SNX3: variants seen among roughly 807,000 people sequenced by gnomAD.
SNX3 encodes the protein sorting nexin-3.
SNX3 carries 5 observed loss-of-function variants against 17.7 expected under a neutral mutation model. The observed-to-expected ratio is 0.28, with a 90% CI of 0.15 to 0.59. The LOEUF is 0.59. SNX3 is among the 20% of genes least tolerant of loss of function. The probability of loss-of-function intolerance (pLI) is 0.88; values close to 1 mark genes in which losing one functional copy is unlikely to be tolerated. For missense variants in SNX3, 132 were observed against 206.8 expected, an observed-to-expected ratio of 0.64 and a Z score of 2.22; for synonymous variants, 91 against 76.5, an observed-to-expected ratio of 1.19 and a Z score of -0.99.
intron 1 of SNX3, among the ~76,000 whole-genome samples, chr6:108,254,937 A>C (rs975565868): frequency 6.6e-6 from 1 of 152,250 alleles, no homozygotes; most frequent in African/African-American, 2.4e-5. Context: ...GACTGGAGTT[A>C]AAATGAGGAA....
At chr6:108,226,751 T>C (rs1177974685) in intron 1 of SNX3, among the ~76,000 whole-genome samples, 1 of 152,204 alleles carries the variant, frequency 6.6e-6, no homozygotes, top group Non-Finnish European at 1.5e-5. Flanking sequence ...AAATCCATTT[T>C]GTAGTGGTCT....
chr6:108,245,139 T>C (rs951488400), intron 1 of SNX3, among the ~76,000 whole-genome samples: 2 of 151,840 alleles, frequency 1.3e-5, no homozygotes, highest in Non-Finnish European at 2.9e-5. Context: ...GGCCCTGGTG[T>C]GTGATGTTCC....
intron 1 of SNX3, among the ~76,000 whole-genome samples, chr6:108,244,748 TTC>T (rs1268413571): frequency 1.2e-4 from 16 of 138,638 alleles, no homozygotes; most frequent in Non-Finnish European, 1.5e-5. Context: ...GTTCAAGAAA[TTC>T]TGTCTCAGCT....
intron 1 of SNX3, among the ~76,000 whole-genome samples, chr6:108,253,948 A>G (rs949638343): frequency 6.6e-6 from 1 of 152,106 alleles, no homozygotes; most frequent in African/African-American, 2.4e-5. Flanking sequence ...ACAAGGTGAA[A>G]CACCATCTCT....
At chr6:108,253,540 T>G (rs1775936692) in intron 1 of SNX3, among the ~76,000 whole-genome samples, 1 of 152,294 alleles carries the variant, frequency 6.6e-6, no homozygotes, top group Middle Eastern at 3.4e-3. Flanking sequence ...ACTTAAGCTG[T>G]AGAGATTGGT....
intron 1 of SNX3, among the ~76,000 whole-genome samples, chr6:108,253,222 C>T (rs568114349): frequency 1.3e-5 from 2 of 152,144 alleles, no homozygotes; most frequent in East Asian, 3.9e-4. Flanking sequence ...TATAAAGTGA[C>T]AATATTTATA....
At chr6:108,225,696 A>C (rs1774953613) in intron 1 of SNX3, among the ~76,000 whole-genome samples, 1 of 152,072 alleles carries the variant, frequency 6.6e-6, no homozygotes, top group African/African-American at 2.4e-5. Context: ...GACTAAAAAC[A>C]CTAAAGACTA....
At chr6:108,239,878 T>G (rs925023981) in intron 1 of SNX3, among the ~76,000 whole-genome samples, 4 of 152,132 alleles carry the variant, frequency 2.6e-5, no homozygotes, top group Non-Finnish European at 5.9e-5. Context: ...CTAAAAACAT[T>G]TAAACACTGC....
rs75551121 is a variant in SNX3, at chr6:108,254,462, G to A, written c.162+6298C>T. ...AGCTTGGGCAACAGAGTGAGACCCT[G>A]TCTCAAACAAAAGTACGGGCTCTGA... On this transcript the variant is annotated intron_variant, in intron 1 of 3. Transcript: ENST00000230085. 3.2e-3 allele frequency among the ~76,000 whole-genome samples: 491 copies of A among 152,270 alleles called. 4 individuals carry two copies. The highest frequency in any genetic ancestry group is 0.011 in the African/African-American group (475 of 41,544).
chr6:108,253,675 T>C (rs778120247), intron 1 of SNX3, among the ~76,000 whole-genome samples: 11 of 152,344 alleles, frequency 7.2e-5, no homozygotes, highest in South Asian at 6.2e-4. Context: ...TTTTAGAATC[T>C]ATTTTTTTAA....
At chr6:108,241,095 T>C (rs1205314473) in intron 1 of SNX3, among the ~76,000 whole-genome samples, 2 of 137,324 alleles carry the variant, frequency 1.5e-5, no homozygotes, top group African/African-American at 2.7e-5. Flanking sequence ...TGAACCACGA[T>C]TGCGCGCCAC....
intron 1 of SNX3, among the ~76,000 whole-genome samples, chr6:108,236,390 T>A (rs201550733): frequency 0.013 from 1,702 of 132,434 alleles, 14 homozygotes; most frequent in Non-Finnish European, 0.017. Context: ...TTTTTTTTTT[T>A]TTTTTTTTTT....
intron 1 of SNX3, among the ~76,000 whole-genome samples, chr6:108,256,200 T>G (rs535920590): frequency 7.9e-5 from 12 of 152,268 alleles, no homozygotes; most frequent in African/African-American, 2.9e-4. Context: ...CACTGCACTC[T>G]AGGCTGAGAG....
intron 2 of SNX3, among the ~76,000 whole-genome samples, chr6:108,221,319 T>A (rs866413988): frequency 6.6e-6 from 1 of 151,698 alleles, no homozygotes; most frequent in Non-Finnish European, 1.5e-5. Flanking sequence ...TATTTTACTA[T>A]ATTTTTCCTG....
At chr6:108,249,142 T>C (rs1312957969) in intron 1 of SNX3, among the ~76,000 whole-genome samples, 2 of 152,224 alleles carry the variant, frequency 1.3e-5, no homozygotes, top group East Asian at 1.9e-4. Context: ...AGAGGATCAC[T>C]TGAGCTCACG....
intron 1 of SNX3, among the ~76,000 whole-genome samples, chr6:108,257,761 T>C (rs1361371140): frequency 1.3e-5 from 2 of 151,762 alleles, no homozygotes; most frequent in East Asian, 2.0e-4. Context: ...GTCAAGGGAC[T>C]GAGACCATCC....
chr6:108,217,379 A>G (rs1001935325), intron 2 of SNX3, among the ~76,000 whole-genome samples: 1 of 152,174 alleles, frequency 6.6e-6, no homozygotes, highest in Non-Finnish European at 1.5e-5. Context: ...GATCTATAAA[A>G]ATCATAAATG....
chr6:108,246,582 C>T (rs1775699222), intron 1 of SNX3, among the ~76,000 whole-genome samples: 1 of 151,714 alleles, frequency 6.6e-6, no homozygotes, highest in African/African-American at 2.4e-5. Flanking sequence ...CACCCGCCTC[C>T]ACCTCCCAAA....
At chr6:108,212,458 C>A (rs548565435) in intron 3 of SNX3, among the ~76,000 whole-genome samples, 7 of 152,058 alleles carry the variant, frequency 4.6e-5, no homozygotes, top group African/African-American at 1.7e-4. Context: ...GTGCCTCAGC[C>A]CCCTGAGTAG....
Sources: gnomAD v4.1 joint callset for allele counts (sites outside exome capture counted in the v4.1 genomes callset) on GRCh38, gnomAD v4.1.1 for gene constraint, MANE v1.5 for transcripts, NCBI Gene and HGNC (gene_info 2026-07-23, HGNC 2026-07-21) for gene names.